Variants in FOXP1 observed in about 807,000 individuals in gnomAD.
FOXP1 encodes forkhead box P1.
A neutral mutation model predicts 98.2 loss-of-function variants in FOXP1; 15 were observed. The ratio of observed to expected loss-of-function variants is 0.15; its 90% CI spans 0.10 to 0.24. FOXP1 has a LOEUF of 0.24. Among genes scored for constraint, FOXP1 ranks in the 10% least tolerant of loss-of-function variants. The probability of loss-of-function intolerance (pLI) is 1.00; values close to 1 mark genes in which losing one functional copy is unlikely to be tolerated. For missense variants in FOXP1, 633 were observed against 848.5 expected, an observed-to-expected ratio of 0.75 and a Z score of 3.15; for synonymous variants, 371 against 314.5, an observed-to-expected ratio of 1.18 and a Z score of -1.90.
chr3:70,988,081 G>T lies in FOXP1; in HGVS notation c.1063-4C>A. The T allele has an allele frequency of 6.2e-7, 1 of 1,613,814 alleles. No individual in the cohort carries two copies. Among genetic ancestry groups the T allele is most frequent in the Middle Eastern group, 1.6e-4 (1 of 6,062 alleles). On this transcript the variant is annotated splice_polypyrimidine_tract_variant and splice_region_variant and intron_variant, in intron 13 of 20. Transcript: ENST00000649528. ...GGCGTTCTTTGTCTTTTGCAAGCTG[G>T]CAAGAAGAAAATGCTTTGTTATTTC...
At chr3:71,501,567 T>C (rs1296661536) in intron 2 of FOXP1, among the ~76,000 whole-genome samples, 2 of 152,282 alleles carry the variant, frequency 1.3e-5, no homozygotes, top group East Asian at 3.9e-4. Context: ...GCTGGGATTA[T>C]AGGCGTGAGC....
intron 2 of FOXP1, among the ~76,000 whole-genome samples, chr3:71,539,807 T>A (rs1469932619): frequency 5.3e-5 from 8 of 152,200 alleles, no homozygotes; most frequent in Non-Finnish European, 7.3e-5. Context: ...TCAGTAGATG[T>A]ACAAGAAACA....
chr3:71,204,740 G>A (rs1045451232), intron 5 of FOXP1, among the ~76,000 whole-genome samples: 1 of 51,884 alleles, frequency 1.9e-5, no homozygotes, highest in Non-Finnish European at 3.8e-5. Flanking sequence ...GCTTGGATGG[G>A]CTACTCTTAA....
intron 2 of FOXP1, among the ~76,000 whole-genome samples, chr3:71,537,721 CTGCTAACA>C (rs2044420074): frequency 6.6e-6 from 1 of 152,236 alleles, no homozygotes; most frequent in Admixed American, 6.5e-5. Context: ...TCTAATGAAG[CTGCTAACA>C]TGTATTTAAA....
chr3:71,093,209 G>A (rs1389181466), intron 7 of FOXP1, among the ~76,000 whole-genome samples: 4 of 149,346 alleles, frequency 2.7e-5, no homozygotes, highest in Non-Finnish European at 5.9e-5. Flanking sequence ...AGCCAAGATC[G>A]CACTAGTGCA....
chr3:71,454,535 C>T (rs538774127), intron 3 of FOXP1, among the ~76,000 whole-genome samples: 8 of 152,218 alleles, frequency 5.3e-5, no homozygotes, highest in African/African-American at 1.4e-4. Flanking sequence ...AGTGTGGCCT[C>T]GACCAGCAGC....
chr3:71,263,911 AT>A lies in FOXP1; in HGVS notation c.-12+35908del, dbSNP rs769680475. Among the ~76,000 whole-genome samples the A allele has an allele frequency of 6.9e-3, 981 of 141,746 alleles. 2 individuals carry two copies. The highest frequency in any genetic ancestry group is 0.022 in the Middle Eastern group (6 of 276). 93.0% of individuals were successfully genotyped at this position (141,746 alleles called of 152,430 possible). A position where few individuals can be genotyped will look rare whatever the true frequency, so the allele number is the denominator to read the frequency against. ...AGGCACATGCCACGACTCCCAGCTA[AT>A]TTTTTTTTTTTTTTTTAAATTAGAG... On this transcript the variant is annotated intron_variant, in intron 5 of 20. Coordinates refer to ENST00000649528, the MANE Select transcript of FOXP1 (RefSeq NM_001349338.3).
intron 6 of FOXP1, among the ~76,000 whole-genome samples, chr3:71,119,025 G>C (rs1013255843): frequency 3.9e-5 from 6 of 152,212 alleles, no homozygotes; most frequent in Admixed American, 2.0e-4. Context: ...GATTTCACTG[G>C]ATAGAATCCT....
chr3:71,284,922 A>G (rs1408417894), intron 5 of FOXP1, among the ~76,000 whole-genome samples: 1 of 152,202 alleles, frequency 6.6e-6, no homozygotes, highest in African/African-American at 2.4e-5. Context: ...CTACTTTTCT[A>G]TAATTGCAAA....
chr3:70,995,894 C>T (rs2041292455), intron 13 of FOXP1, among the ~76,000 whole-genome samples: 2 of 152,294 alleles, frequency 1.3e-5, no homozygotes, highest in Admixed American at 1.3e-4. Context: ...CATCTTTCAA[C>T]AATAATTTAA....
chr3:71,148,367 C>T (rs766373509), intron 6 of FOXP1, among the ~76,000 whole-genome samples: 17 of 150,062 alleles, frequency 1.1e-4, no homozygotes, highest in Non-Finnish European at 1.5e-4. Context: ...GGCAACAGAA[C>T]GAGACTCGGT....
intron 2 of FOXP1, among the ~76,000 whole-genome samples, chr3:71,509,591 C>A (rs1298661696): frequency 6.6e-6 from 1 of 152,188 alleles, no homozygotes. Context: ...CAGCTCCTCA[C>A]CTCCTGAAAG....
At chr3:71,206,303 C>T (rs2064028842) in intron 5 of FOXP1, among the ~76,000 whole-genome samples, 1 of 152,126 alleles carries the variant, frequency 6.6e-6, no homozygotes. Flanking sequence ...TGTTCTGAAA[C>T]TCCAAAAGTA....
intron 13 of FOXP1, among the ~76,000 whole-genome samples, chr3:70,992,842 A>ACT (rs1270373381): frequency 6.6e-6 from 1 of 151,706 alleles, no homozygotes; most frequent in African/African-American, 2.4e-5. Flanking sequence ...AAACCCAGAG[A>ACT]CTCTCTCTCT....
At chr3:71,178,155 T>TGAGA (rs35786749) in intron 6 of FOXP1, among the ~76,000 whole-genome samples, 2,466 of 144,884 alleles carry the variant, frequency 0.017, 78 homozygotes, top group African/African-American at 0.06. Context: ...TTTTTTTTTT[T>TGAGA]GAGAGAGTCT....
At chr3:71,080,247 TATAATGGGA>T (rs2107515330) in intron 7 of FOXP1, among the ~76,000 whole-genome samples, 1 of 152,336 alleles carries the variant, frequency 6.6e-6, no homozygotes, top group South Asian at 2.1e-4. Context: ...TCCTCAGCAA[TATAATGGGA>T]AAAGTTCTGA....
At chr3:71,449,718 GTAAAATGAAT>G (rs1417238021) in intron 3 of FOXP1, among the ~76,000 whole-genome samples, 2 of 152,210 alleles carry the variant, frequency 1.3e-5, no homozygotes, top group Non-Finnish European at 2.9e-5. Flanking sequence ...GGGGTGCAAT[GTAAAATGAAT>G]AGGGGTCACT....
At chr3:71,115,147 A>G (rs1256236081) in intron 6 of FOXP1, among the ~76,000 whole-genome samples, 1 of 152,060 alleles carries the variant, frequency 6.6e-6, no homozygotes, top group Non-Finnish European at 1.5e-5. Flanking sequence ...GAGAGGGACT[A>G]TAGATGACAG....
chr3:71,196,381 A>ATG (rs1224781998), intron 6 of FOXP1, among the ~76,000 whole-genome samples: 1 of 152,090 alleles, frequency 6.6e-6, no homozygotes, highest in African/African-American at 2.4e-5. Flanking sequence ...GTGTGGGCGC[A>ATG]TGTGTGTGTG....
Sources: allele counts gnomAD v4.1 joint callset (sites outside exome capture counted in the v4.1 genomes callset), GRCh38; gene constraint gnomAD v4.1.1; transcripts MANE v1.5; gene names NCBI Gene and HGNC (gene_info 2026-07-23, HGNC 2026-07-21).